Variants in NKAIN2 observed in about 807,000 individuals in gnomAD.
The protein encoded by NKAIN2 is sodium/potassium transporting ATPase interacting 2.
In NKAIN2, 14 loss-of-function variants were observed where a neutral mutation model predicts 32.6. The ratio of observed to expected loss-of-function variants is 0.43; its 90% confidence interval spans 0.28 to 0.67. The LOEUF (loss-of-function observed/expected upper bound fraction) is 0.67. NKAIN2 is among the 30% of genes least tolerant of loss of function. The pLI, the probability that NKAIN2 is intolerant of heterozygous loss-of-function variation, is 0.17. For missense variants in NKAIN2, 198 were observed against 258.3 expected, an observed-to-expected ratio of 0.77 and a Z score of 1.60; for synonymous variants, 80 against 87.2, an observed-to-expected ratio of 0.92 and a Z score of 0.46.
intron 3 of NKAIN2, among the ~76,000 whole-genome samples, chr6:124,586,637 T>TA (rs1334463370): frequency 6.6e-6 from 1 of 151,556 alleles, no homozygotes; most frequent in African/African-American, 2.4e-5. Flanking sequence ...GAGAGTTTCT[T>TA]AAAAAAAAGT....
At chr6:124,025,394 C>T (rs923161959) in intron 1 of NKAIN2, among the ~76,000 whole-genome samples, 1 of 151,380 alleles carries the variant, frequency 6.6e-6, no homozygotes, top group Admixed American at 6.6e-5. Flanking sequence ...GATATCACAA[C>T]AGCACGAAGA....
intron 4 of NKAIN2, among the ~76,000 whole-genome samples, chr6:124,777,708 T>G (rs1779043390): frequency 6.6e-6 from 1 of 152,142 alleles, no homozygotes; most frequent in Admixed American, 6.6e-5. Context: ...CAGAGTTATC[T>G]AAAGAAAGGG....
At chr6:124,204,799 A>C (rs983893716) in intron 1 of NKAIN2, among the ~76,000 whole-genome samples, 2 of 151,760 alleles carry the variant, frequency 1.3e-5, no homozygotes, top group African/African-American at 4.8e-5. Flanking sequence ...TATATGCAGC[A>C]CTTATTAATT....
intron 1 of NKAIN2, among the ~76,000 whole-genome samples, chr6:123,926,464 C>T (rs1776008295): frequency 6.6e-6 from 1 of 151,758 alleles, no homozygotes; most frequent in African/African-American, 2.4e-5. Flanking sequence ...GCTCCGTTCC[C>T]CAGATTGCTG....
chr6:124,273,283 C>G (rs1794883058), intron 1 of NKAIN2, among the ~76,000 whole-genome samples: 1 of 143,854 alleles, frequency 7.0e-6, no homozygotes, highest in South Asian at 2.1e-4. Context: ...GCAGTTTCCC[C>G]CATGCTGTTC....
intron 3 of NKAIN2, among the ~76,000 whole-genome samples, chr6:124,433,927 T>C (rs1414855964): frequency 6.6e-6 from 1 of 152,184 alleles, no homozygotes; most frequent in Admixed American, 6.5e-5. Context: ...CTCTTGGCAG[T>C]CTGTGCATGC....
intron 1 of NKAIN2, among the ~76,000 whole-genome samples, chr6:123,848,466 T>C (rs1202162863): frequency 5.9e-5 from 9 of 152,142 alleles, no homozygotes; most frequent in Admixed American, 5.9e-4. Flanking sequence ...AGTCAGTGAG[T>C]TCTCACAAGA....
intron 1 of NKAIN2, among the ~76,000 whole-genome samples, chr6:123,891,226 T>C (rs771114103): frequency 3.5e-4 from 53 of 152,004 alleles, no homozygotes; most frequent in Non-Finnish European, 7.5e-4. Flanking sequence ...GGGTACAGAG[T>C]TTCTCCTGGA....
At chr6:124,737,480 A>C (rs974706887) in intron 4 of NKAIN2, among the ~76,000 whole-genome samples, 2 of 151,802 alleles carry the variant, frequency 1.3e-5, no homozygotes, top group Admixed American at 1.3e-4. Context: ...GAAACTACCC[A>C]GTCTTGACTA....
At chr6:124,183,754 A>G (rs562688065) in intron 1 of NKAIN2, among the ~76,000 whole-genome samples, 2 of 152,314 alleles carry the variant, frequency 1.3e-5, no homozygotes, top group South Asian at 2.1e-4. Context: ...TCATATAACT[A>G]TAAAATATCA....
intron 1 of NKAIN2, among the ~76,000 whole-genome samples, chr6:124,156,054 CT>C (rs1186403424): frequency 6.6e-6 from 1 of 151,486 alleles, no homozygotes; most frequent in Non-Finnish European, 1.5e-5. Context: ...GGTAGAGTTG[CT>C]TTTGAATAGG....
At chr6:124,013,311 G>A (rs1018644103) in intron 1 of NKAIN2, among the ~76,000 whole-genome samples, 1 of 152,098 alleles carries the variant, frequency 6.6e-6, no homozygotes, top group African/African-American at 2.4e-5. Flanking sequence ...TTAATTTGAT[G>A]AAGTAAATTT....
intron 4 of NKAIN2, among the ~76,000 whole-genome samples, chr6:124,757,817 A>G (rs1462755668): frequency 6.6e-6 from 1 of 152,164 alleles, no homozygotes; most frequent in Non-Finnish European, 1.5e-5. Flanking sequence ...ATAGACCCAA[A>G]TAGTCTTAAA....
intron 3 of NKAIN2, among the ~76,000 whole-genome samples, chr6:124,373,435 G>T (rs962974973): frequency 3.3e-5 from 5 of 152,268 alleles, no homozygotes; most frequent in Non-Finnish European, 5.9e-5. Context: ...TGTCAAGCAG[G>T]GTGTAGGGTG....
intron 3 of NKAIN2, among the ~76,000 whole-genome samples, chr6:124,443,909 A>G (rs1775790794): frequency 6.6e-6 from 1 of 151,998 alleles, no homozygotes; most frequent in South Asian, 2.1e-4. Flanking sequence ...TCAATCTCGT[A>G]TATCTGAGAG....
At chr6:124,111,098 A>G (rs568717855) in intron 1 of NKAIN2, among the ~76,000 whole-genome samples, 1 of 152,248 alleles carries the variant, frequency 6.6e-6, no homozygotes, top group East Asian at 1.9e-4. Flanking sequence ...TTGTTAGGGT[A>G]TAATTTTTCA....
intron 1 of NKAIN2, among the ~76,000 whole-genome samples, chr6:123,860,068 G>A (rs1252348859): frequency 6.6e-6 from 1 of 152,138 alleles, no homozygotes; most frequent in African/African-American, 2.4e-5. Flanking sequence ...TAAATCAGAT[G>A]TGATAAGGAA....
intron 1 of NKAIN2, among the ~76,000 whole-genome samples, chr6:124,238,006 G>A (rs1009631880): frequency 2.0e-5 from 3 of 152,116 alleles, no homozygotes; most frequent in Admixed American, 6.6e-5. Context: ...CTAACACGAT[G>A]CAGAGACTTA....
At chr6:124,457,002 G>T (rs1037090560) in intron 3 of NKAIN2, among the ~76,000 whole-genome samples, 3 of 151,648 alleles carry the variant, frequency 2.0e-5, no homozygotes, top group Non-Finnish European at 4.4e-5. Context: ...AAGGTTCTTG[G>T]GACACTAGAA....
Sources: gnomAD v4.1 joint callset for allele counts (sites outside exome capture counted in the v4.1 genomes callset) on GRCh38, gnomAD v4.1.1 for gene constraint, MANE v1.5 for transcripts, NCBI Gene and HGNC (gene_info 2026-07-23, HGNC 2026-07-21) for gene names.